The following SKAP1 variants were observed in gnomAD, a reference collection of about 807,000 sequenced individuals.
SKAP1 encodes the protein src kinase associated phosphoprotein 1, also known as src kinase-associated phosphoprotein 1.
A neutral mutation model predicts 58.5 loss-of-function variants in SKAP1; 44 were observed. The ratio of observed to expected loss-of-function variants is 0.75; its 90% CI spans 0.59 to 0.97. The LOEUF (loss-of-function observed/expected upper bound fraction) is 0.97. Among genes scored for constraint, SKAP1 ranks in the 50% least tolerant of loss-of-function variants. The probability of loss-of-function intolerance (pLI) is 0.00; values close to 1 mark genes in which losing one functional copy is unlikely to be tolerated. For synonymous variants in SKAP1, 127 were observed against 149.7 expected (o/e 0.85, Z 1.11); for missense variants, 390 against 435.2 (o/e 0.90, Z 0.92).
At chr17:48,383,714 CTTTTT>C (rs554578193) in intron 2 of SKAP1, among the ~76,000 whole-genome samples, 1 of 111,668 alleles carries the variant, frequency 9.0e-6, no homozygotes, top group Non-Finnish European at 1.8e-5. Flanking sequence ...AATCTCTGCC[CTTTTT>C]TTTTTTTTTT....
chr17:48,137,202 G>A, intron 12 of SKAP1, 27 bp downstream of exon 12: 1 of 1,409,356 alleles, frequency 7.1e-7, no homozygotes, highest in Non-Finnish European at 1.0e-6. Flanking sequence ...CAACTATTAG[G>A]CAGTTCATTG....
intron 4 of SKAP1, among the ~76,000 whole-genome samples, chr17:48,267,601 AT>A (rs1038006512): frequency 3.0e-4 from 46 of 152,252 alleles, no homozygotes; most frequent in African/African-American, 9.9e-4. Flanking sequence ...TTCTAAACCC[AT>A]TTTTTTAAAA....
intron 1 of SKAP1, among the ~76,000 whole-genome samples, chr17:48,417,775 CT>C (rs1318566386): frequency 2.6e-5 from 4 of 151,194 alleles, no homozygotes; most frequent in Non-Finnish European, 4.4e-5. Context: ...AAAGAAAATT[CT>C]GCATATGTAC....
At chr17:48,165,727 G>A (rs934341155) in intron 10 of SKAP1, among the ~76,000 whole-genome samples, 1 of 152,150 alleles carries the variant, frequency 6.6e-6, no homozygotes, top group African/African-American at 2.4e-5. Context: ...AGCAGAGAGA[G>A]GAACTGAGAG....
intron 4 of SKAP1, among the ~76,000 whole-genome samples, chr17:48,326,714 G>A (rs2066441502): frequency 6.6e-6 from 1 of 151,936 alleles, no homozygotes; most frequent in South Asian, 2.1e-4. Flanking sequence ...TCCCCCCACT[G>A]GTTTTTCTAG....
chr17:48,172,293 A>G (rs1438823409), intron 9 of SKAP1, among the ~76,000 whole-genome samples: 1 of 152,114 alleles, frequency 6.6e-6, no homozygotes, highest in African/African-American at 2.4e-5. Flanking sequence ...TAGATTCACA[A>G]TGGGTTCTAA....
intron 4 of SKAP1, among the ~76,000 whole-genome samples, chr17:48,202,381 G>GT (rs2064739652): frequency 6.6e-6 from 1 of 152,054 alleles, no homozygotes; most frequent in Admixed American, 6.6e-5. Context: ...GACCTGGTAT[G>GT]TATTATCTCC....
upstream of SKAP1, among the ~76,000 whole-genome samples, chr17:48,431,373 G>A (rs1039099423): frequency 1.3e-5 from 2 of 152,228 alleles, no homozygotes; most frequent in African/African-American, 4.8e-5. Flanking sequence ...GGTGCATGTG[G>A]TGTTTGAGAT....
chr17:48,184,069 TA>T (rs2064409276), intron 7 of SKAP1, among the ~76,000 whole-genome samples: 1 of 152,204 alleles, frequency 6.6e-6, no homozygotes, highest in African/African-American at 2.4e-5. Flanking sequence ...TTTTAAATTT[TA>T]TTGGTCATTC....
chr17:48,170,720 T>C, intron 9 of SKAP1, 61 bp from the exon 10 acceptor site: 1 of 1,474,850 alleles, frequency 6.8e-7, no homozygotes, highest in Non-Finnish European at 9.3e-7. Context: ...TTCTTTTTTT[T>C]TTTTTTCGAG....
At chr17:48,300,562 A>G (rs1390001311) in intron 4 of SKAP1, among the ~76,000 whole-genome samples, 3 of 152,152 alleles carry the variant, frequency 2.0e-5, no homozygotes, top group Non-Finnish European at 4.4e-5. Flanking sequence ...GCTATATTAT[A>G]TTTATTAACC....
chr17:48,364,765 T>G (rs1022506431), intron 2 of SKAP1, among the ~76,000 whole-genome samples: 5 of 152,216 alleles, frequency 3.3e-5, no homozygotes, highest in African/African-American at 1.2e-4. Flanking sequence ...GACTTAAGGT[T>G]GTCTAACATT....
At position 48,187,832 on chromosome 17, in the gene SKAP1, A is replaced by G; in HGVS notation, c.442+11T>C. 1.3e-6 allele frequency: 2 copies of G among 1,590,652 alleles called. No individual in the cohort carries two copies. Among genetic ancestry groups the G allele is most frequent in the Non-Finnish European group, 1.7e-6 (2 of 1,159,174 alleles). ...GAGTGAGATGCTGCTGTGTAAATGA[A>G]GAACACTTACTCTTCTCATTAGCAT... is the stretch of plus-strand genomic sequence containing the variant. On this transcript the variant is annotated intron_variant, in intron 6 of 12. Coordinates refer to ENST00000336915, the MANE Select transcript of SKAP1 (RefSeq NM_003726.4).
intron 11 of SKAP1, among the ~76,000 whole-genome samples, chr17:48,137,675 C>T (rs2063718006): frequency 6.6e-6 from 1 of 152,070 alleles, no homozygotes; most frequent in Non-Finnish European, 1.5e-5. Context: ...TACAGATATT[C>T]AAGGGGTCAA....
the SKAP1 span, among the ~76,000 whole-genome samples, chr17:48,443,154 G>A: frequency 6.6e-6 from 1 of 152,074 alleles, no homozygotes; most frequent in Non-Finnish European, 1.5e-5. Flanking sequence ...ACTTCATTTT[G>A]TCTGGTTAAC....
At chr17:48,405,392 C>CCTTT (rs376278484) in intron 1 of SKAP1, among the ~76,000 whole-genome samples, 3,353 of 106,934 alleles carry the variant, frequency 0.031, 226 homozygotes, top group Middle Eastern at 0.042. Context: ...TTTTCTCTTT[C>CCTTT]CTTTCTTTCT....
chr17:48,306,451 C>T (rs985401660), intron 4 of SKAP1, among the ~76,000 whole-genome samples: 4 of 152,168 alleles, frequency 2.6e-5, no homozygotes, highest in South Asian at 4.1e-4. Context: ...CACTCCATTA[C>T]GCCACATTTC....
At chr17:48,251,492 GT>G (rs956649254) in intron 4 of SKAP1, among the ~76,000 whole-genome samples, 91 of 152,244 alleles carry the variant, frequency 6.0e-4, no homozygotes, top group African/African-American at 2.0e-3. Flanking sequence ...ACAAGAAAAT[GT>G]TTTTTAAAAA....
intron 10 of SKAP1, 133 bp downstream of exon 10, chr17:48,170,476 T>C (rs188943336): frequency 7.9e-6 from 6 of 757,984 alleles, no homozygotes; most frequent in African/African-American, 1.7e-5. Flanking sequence ...TATTTAGGGC[T>C]TTGGGGTTCA....
Sources: gnomAD v4.1 joint callset for allele counts (sites outside exome capture counted in the v4.1 genomes callset) on GRCh38, gnomAD v4.1.1 for gene constraint, MANE v1.5 for transcripts, NCBI Gene and HGNC (gene_info 2026-07-23, HGNC 2026-07-21) for gene names.